The following MEI1 variants were observed in gnomAD, a reference collection of about 807,000 sequenced individuals.
MEI1 encodes meiotic double-stranded break formation protein 1.
A neutral mutation model predicts 146.2 loss-of-function variants in MEI1; 103 were observed. The observed-to-expected ratio is 0.70, with a 90% CI of 0.60 to 0.83. The LOEUF is 0.83. Ranked by LOEUF, MEI1 falls within the 40% of genes least tolerant of loss-of-function variation. The probability of loss-of-function intolerance (pLI) is 0.00; values close to 1 mark genes in which losing one functional copy is unlikely to be tolerated. For missense variants in MEI1, 1,529 were observed against 1,533.0 expected, an observed-to-expected ratio of 1.00 and a Z score of 0.04; for synonymous variants, 652 against 628.2, an observed-to-expected ratio of 1.04 and a Z score of -0.57.
intron 24 of MEI1, among the ~76,000 whole-genome samples, chr22:41,782,116 G>A (rs1051055792): frequency 2.6e-5 from 4 of 152,164 alleles, no homozygotes; most frequent in Non-Finnish European, 5.9e-5. Context: ...AATGAATATA[G>A]CATGTGTCCT....
At position 41,795,941 on chromosome 22, in the gene MEI1, C is replaced by A. The variant is rs1361948529; in HGVS notation, c.3779+94C>A. 6.2e-7 allele frequency: 1 copy of A among 1,612,028 alleles called. No individual in the cohort carries two copies. Among genetic ancestry groups the A allele is most frequent in the African/African-American group, 1.3e-5 (1 of 74,776 alleles). ...GCCAGTTTATGCGGTACCGGAGTAG[C>A]AGTGTCCTCTCTCATGAAGAGGTGG... On this transcript the variant is annotated intron_variant, in intron 30 of 30. Transcript: ENST00000401548. This position sits in a 1 kb window ranked among gnomAD's most constrained non-coding sequence, Gnocchi z 4.2.
chr22:41,714,215 A>G (rs1026886988), intron 4 of MEI1, 140 bp downstream of exon 4: 67 of 738,338 alleles, frequency 9.1e-5, no homozygotes, highest in Non-Finnish European at 4.3e-5. Context: ...TGGCAGAGTC[A>G]GAGCTAAGGC....
At chr22:41,773,224 C>G (rs921829894) in intron 20 of MEI1, among the ~76,000 whole-genome samples, 1 of 152,164 alleles carries the variant, frequency 6.6e-6, no homozygotes, top group African/African-American at 2.4e-5. Flanking sequence ...TCTTGTGTTT[C>G]ACTTGGCATA....
At chr22:41,796,738 G>A (rs1240485376) in intron 30 of MEI1, among the ~76,000 whole-genome samples, 2 of 152,078 alleles carry the variant, frequency 1.3e-5, no homozygotes, top group Non-Finnish European at 2.9e-5. Context: ...CCTGAGGCCA[G>A]GAGTTTGAGA....
chr22:41,730,291 T>G (rs996625086), intron 8 of MEI1, among the ~76,000 whole-genome samples: 7 of 152,176 alleles, frequency 4.6e-5, no homozygotes, highest in African/African-American at 7.2e-5. Context: ...TAATAGTGCC[T>G]CTTCTCTGGG....
chr22:41,772,731 G>T (rs1218286135), intron 20 of MEI1, among the ~76,000 whole-genome samples: 2 of 152,158 alleles, frequency 1.3e-5, no homozygotes, highest in Non-Finnish European at 2.9e-5. Flanking sequence ...TCTATCAGTT[G>T]TTCTGTCTGA....
Position 41,748,130 on chromosome 22 carries a change from C to T in MEI1, c.1704C>T (p.His568=), listed in dbSNP as rs2073471774. 6.2e-7 allele frequency: 1 copy of T among 1,613,874 alleles called. No homozygotes were observed. Among genetic ancestry groups the T allele is most frequent in the Non-Finnish European group, 8.5e-7 (1 of 1,179,802 alleles). Residue 568 remains histidine (H), a synonymous_variant, in exon 15 of 31, where the codon CAC becomes CAT. Transcript: ENST00000401548. The stretch of plus-strand genomic sequence containing the variant: ...AGAGACACTTGGAGCAGACCACCCA[C>T]CCAGCTTTGATGGAAGTTTTCCTCT... ...MVMRHLEQTT[H]PALMEVFLSI... is the part of the protein sequence containing the mutation.
intron 1 of MEI1, among the ~76,000 whole-genome samples, chr22:41,700,334 GGTTTT>G (rs2068605131): frequency 6.6e-6 from 1 of 152,222 alleles, no homozygotes; most frequent in Non-Finnish European, 1.5e-5. Flanking sequence ...GCAATGAAGT[GGTTTT>G]GTTTGTTTCG....
At chr22:41,783,563 A>G (rs1264225997) in intron 24 of MEI1, among the ~76,000 whole-genome samples, 1 of 152,192 alleles carries the variant, frequency 6.6e-6, no homozygotes, top group Non-Finnish European at 1.5e-5. Context: ...AAGTGCTGGG[A>G]TTATAGGCGT....
intron 6 of MEI1, among the ~76,000 whole-genome samples, chr22:41,719,772 C>T (rs746080008): frequency 4.6e-5 from 7 of 152,124 alleles, no homozygotes; most frequent in Non-Finnish European, 1.0e-4. Context: ...TATTTTTTTA[C>T]ATAAATACAT....
intron 11 of MEI1, among the ~76,000 whole-genome samples, chr22:41,740,185 ACTT>A (rs1361736261): frequency 6.6e-6 from 1 of 151,736 alleles, no homozygotes; most frequent in Non-Finnish European, 1.5e-5. Context: ...ACGCCTGGAT[ACTT>A]CTTGTATTTT....
intron 21 of MEI1, among the ~76,000 whole-genome samples, chr22:41,777,445 C>G (rs761063401): frequency 2.0e-5 from 3 of 152,130 alleles, no homozygotes; most frequent in Admixed American, 6.6e-5. Flanking sequence ...TGTGAGCTAC[C>G]ACACTCGGCC....
intron 1 of MEI1, among the ~76,000 whole-genome samples, chr22:41,702,182 C>T (rs1332267676): frequency 1.3e-5 from 2 of 152,200 alleles, no homozygotes; most frequent in Non-Finnish European, 2.9e-5. Flanking sequence ...CTCTCGTTGC[C>T]CAGGCTGGAG....
rs140926503 is a variant in MEI1 at position 41,712,672 on chromosome 22, A to ATGTGTGTGTGTGTGTG, written c.350-1315_350-1300dup. ...TTTAAGTATATTTAAATAGAAATAG[A>ATGTGTGTGTGTGTGTG]TGTGTGTGTGTGTGTGTGTGTGTGT... On this transcript the variant is annotated intron_variant, in intron 3 of 30. Transcript: ENST00000401548. Among the ~76,000 whole-genome samples, 694 of 147,064 alleles carry ATGTGTGTGTGTGTGTG rather than the reference A, an allele frequency of 4.7e-3. 6 individuals carry two copies. The highest frequency in any genetic ancestry group is 0.012 in the African/African-American group (478 of 40,310).
rs553323891 is a variant in MEI1, at chr22:41,753,063, G to A, written c.1853+412G>A. 3.3e-5 allele frequency among the ~76,000 whole-genome samples: 5 copies of A among 150,966 alleles called. No homozygotes were observed. In the South Asian group the frequency reaches 1.0e-3, roughly 32 times the overall value. ...AGATGGAGTCTTGCTCTGTCACCCA[G>A]GCTGGAGTGCAGTGGTACAATCTTG... On this transcript the variant is annotated intron_variant, in intron 16 of 30. Transcript: ENST00000401548.
Position 41,703,333 on chromosome 22 carries a change from A to C in MEI1, c.177A>C (p.Leu59Phe). 6.2e-7 allele frequency: 1 copy of C among 1,612,446 alleles called. No homozygotes were observed. Among genetic ancestry groups the C allele is most frequent in the Non-Finnish European group, 8.5e-7 (1 of 1,179,212 alleles). Residue 59 changes from leucine to phenylalanine, a missense_variant and splice_region_variant, in exon 2 of 31, where the codon TTA (leucine) becomes TTC (phenylalanine). Leu to Phe is a conservative substitution (Grantham distance 22). Transcript: ENST00000401548. ...LELLPDPGVS[L>F]VRKKHMLSCF... ...TGTTTTTCTTCATTTGCTTCAAGTTAGTGCGCAAGAAGCACATGTTGTCCT... is the reference window on the plus strand; with the variant it reads ...TGTTTTTCTTCATTTGCTTCAAGTTCGTGCGCAAGAAGCACATGTTGTCCT...
intron 7 of MEI1, among the ~76,000 whole-genome samples, chr22:41,727,909 C>T (rs574531619): frequency 2.0e-5 from 3 of 152,238 alleles, no homozygotes; most frequent in Non-Finnish European, 4.4e-5. Flanking sequence ...TGGCCGTTCA[C>T]GTAGGTATCC....
intron 6 of MEI1, among the ~76,000 whole-genome samples, chr22:41,720,295 G>A (rs566319070): frequency 5.9e-5 from 9 of 152,296 alleles, no homozygotes; most frequent in African/African-American, 1.9e-4. Flanking sequence ...GTTGGAGTTA[G>A]TGCATATAGA....
intron 22 of MEI1, 184 bp downstream of exon 22, chr22:41,778,996 T>C (rs1328199573): frequency 3.7e-6 from 2 of 540,474 alleles, no homozygotes; most frequent in East Asian, 3.2e-5. Context: ...GCTTGTTCTC[T>C]GGGAATGTTT....
Sources: allele counts gnomAD v4.1 joint callset (sites outside exome capture counted in the v4.1 genomes callset), GRCh38; gene constraint gnomAD v4.1.1; non-coding constraint Gnocchi (gnomAD v3.1); transcripts MANE v1.5; gene names NCBI Gene and HGNC (gene_info 2026-07-23, HGNC 2026-07-21).